The following LMTK2 variants were observed in gnomAD, a reference collection of about 807,000 sequenced individuals.
LMTK2 encodes the protein lemur tail kinase 2.
In LMTK2, 37 loss-of-function variants were observed where a neutral mutation model predicts 127.5. That is an observed-to-expected ratio of 0.29 (90% confidence interval 0.22 to 0.38). The LOEUF (loss-of-function observed/expected upper bound fraction) is 0.38, where lower values mean the gene tolerates loss of function less well. LMTK2 is among the 10% of genes least tolerant of loss of function. The pLI is 1.00. For synonymous variants in LMTK2, 819 were observed against 810.1 expected (o/e 1.01, Z -0.19); for missense variants, 1,694 against 1,920.3 (o/e 0.88, Z 2.20).
Position 98,116,425 on chromosome 7 carries a change from C to T in LMTK2, c.103+9145C>T, listed in dbSNP as rs558777060. On this transcript the variant is annotated intron_variant, in intron 1 of 13. Coordinates refer to ENST00000297293, the MANE Select transcript of LMTK2 (RefSeq NM_014916.4). ...GTGTGTGCATGTGCGTGTGTTTGTG[C>T]GTGTGTGTGTGTGTTTGTGTCCGCG... Among the ~76,000 whole-genome samples the T allele has an allele frequency of 3.4e-3, 496 of 146,802 alleles. 2 individuals carry two copies. The highest frequency in any genetic ancestry group is 5.8e-3 in the Non-Finnish European group (384 of 66,438).
chr7:98,110,348 C>A (rs1216330896), intron 1 of LMTK2, among the ~76,000 whole-genome samples: 1 of 152,136 alleles, frequency 6.6e-6, no homozygotes, highest in African/African-American at 2.4e-5. Flanking sequence ...TTATTTTGGG[C>A]CTCTTCTTTG....
chr7:98,137,760 A>G (rs1008138890), intron 2 of LMTK2, among the ~76,000 whole-genome samples: 2 of 152,226 alleles, frequency 1.3e-5, no homozygotes, highest in East Asian at 1.9e-4. Flanking sequence ...GTCATTGACA[A>G]TAACCACTTG....
intron 1 of LMTK2, among the ~76,000 whole-genome samples, chr7:98,121,269 G>T (rs148930903): frequency 2.0e-5 from 3 of 152,276 alleles, no homozygotes; most frequent in African/African-American, 7.2e-5. Context: ...AAGTACTGGG[G>T]TGAAATGTTA....
intron 1 of LMTK2, among the ~76,000 whole-genome samples, chr7:98,113,302 A>G (rs999817503): frequency 2.6e-5 from 4 of 152,218 alleles, no homozygotes; most frequent in African/African-American, 7.2e-5. Context: ...GACGAAGGAC[A>G]TGTTTGCTTC....
chr7:98,194,099 G>A lies in LMTK2; in HGVS notation c.3634G>A (p.Gly1212Ser), dbSNP rs754279487. Residue 1212 changes from glycine (G) to serine (S), a missense_variant, in exon 11 of 14, where the codon GGC becomes AGC. This residue lies in a region of LMTK2 where 554 missense variants were observed against 567.7 expected (regional missense o/e 0.98). Transcript: ENST00000297293. The surrounding 1 kb of genome is among the most constrained non-coding windows in gnomAD (Gnocchi z 5.4). ...TGTGCTGAATGCAGAACTTAGCAGC[G>A]GCGATGACTTCGAGACACAGGACGA... Reference protein sequence around the residue: ...WSVLNAELSSGDDFETQDDRP... With the variant: ...WSVLNAELSSSDDFETQDDRP... The A allele has an allele frequency of 2.2e-5, 35 of 1,613,958 alleles. No individual in the cohort carries two copies. Among genetic ancestry groups the A allele is most frequent in the African/African-American group, 1.1e-4 (8 of 74,926 alleles).
chr7:98,187,069 T>C, intron 9 of LMTK2, 71 bp downstream of exon 9: 1 of 1,410,046 alleles, frequency 7.1e-7, no homozygotes, highest in South Asian at 1.3e-5. Context: ...TTTGAGTACT[T>C]CCTTAAAGGA....
intron 2 of LMTK2, among the ~76,000 whole-genome samples, chr7:98,137,891 G>A (rs1394954625): frequency 1.3e-5 from 2 of 152,224 alleles, no homozygotes; most frequent in Non-Finnish European, 2.9e-5. Context: ...CGAAACTTCT[G>A]TAGACTGGTG....
At chr7:98,109,199 C>T (rs1398928311) in intron 1 of LMTK2, among the ~76,000 whole-genome samples, 1 of 152,042 alleles carries the variant, frequency 6.6e-6, no homozygotes, top group African/African-American at 2.4e-5. Context: ...CATTCTTTTA[C>T]AATTTTATGG....
intron 7 of LMTK2, among the ~76,000 whole-genome samples, chr7:98,180,771 C>T (rs2116441857): frequency 6.6e-6 from 1 of 152,116 alleles, no homozygotes; most frequent in Non-Finnish European, 1.5e-5. Flanking sequence ...TTATAACAGA[C>T]TATTACTAGA....
intron 1 of LMTK2, among the ~76,000 whole-genome samples, chr7:98,118,948 C>T (rs142036789): frequency 0.065 from 9,909 of 152,106 alleles, 669 homozygotes; most frequent in East Asian, 0.33. Context: ...AAAAATTAGC[C>T]AGGTGTGGTG....
Position 98,192,509 on chromosome 7 carries a change from A to G in LMTK2, c.2044A>G (p.Thr682Ala). ...SLDNPKESVI[T>A]GHFEKEKPRK... Reference sequence around the variant, plus strand: ...GGATAACCCCAAAGAGTCAGTCATAACAGGCCACTTTGAGAAAGAAAAGCC... The same window carrying G: ...GGATAACCCCAAAGAGTCAGTCATAGCAGGCCACTTTGAGAAAGAAAAGCC... Residue 682 changes from threonine (T) to alanine (A), a missense_variant, in exon 11 of 14, where the codon ACA (threonine) becomes GCA (alanine). By Grantham distance (58) the Thr-to-Ala change is moderately conservative. Transcript: ENST00000297293. 1 of 1,611,042 alleles carries G rather than the reference A, an allele frequency of 6.2e-7. No homozygotes were observed. The highest frequency in any genetic ancestry group is 1.1e-5 in the South Asian group (1 of 90,064).
chr7:98,172,355 A>C (rs964968450), intron 7 of LMTK2, among the ~76,000 whole-genome samples: 1 of 139,224 alleles, frequency 7.2e-6, no homozygotes, highest in African/African-American at 2.8e-5. Flanking sequence ...CCCAGGCAGG[A>C]GTGCAGTGGC....
chr7:98,193,403 G>A lies in LMTK2; in HGVS notation c.2938G>A (p.Glu980Lys). Residue 980 changes from glutamate (E) to lysine (K), a missense_variant, in exon 11 of 14, where the codon GAG becomes AAG. By Grantham distance (56) the Glu-to-Lys change is moderately conservative. This residue lies in a region of LMTK2 where 527 missense variants were observed against 539.8 expected (regional missense o/e 0.98). Coordinates refer to ENST00000297293, the MANE Select transcript of LMTK2 (RefSeq NM_014916.4). This position sits in a 1 kb window ranked among gnomAD's most constrained non-coding sequence, Gnocchi z 4.1. ...SDSTSQDSLLEDSLSAPFPAS... is the reference protein window; with the variant it reads ...SDSTSQDSLLKDSLSAPFPAS... ...CTCAACCAGTCAGGACAGCCTCCTG[G>A]AGGACAGCTTGTCAGCACCCTTCCC... is the stretch of plus-strand genomic sequence containing the variant. The A allele has an allele frequency of 6.2e-7, 1 of 1,614,120 alleles. No homozygotes were observed. Among genetic ancestry groups the A allele is most frequent in the Non-Finnish European group, 8.5e-7 (1 of 1,180,018 alleles).
At position 98,194,193 on chromosome 7, in the gene LMTK2, T is replaced by C. The variant is rs777545649; in HGVS notation, c.3728T>C (p.Leu1243Pro). Residue 1243 changes from leucine to proline, a missense_variant, in exon 11 of 14, where the codon CTG (leucine) becomes CCG (proline). By Grantham distance (98) the Leu-to-Pro change is moderately conservative (BLOSUM62 -3). This residue lies in a region of LMTK2 where 554 missense variants were observed against 567.7 expected (regional missense o/e 0.98). Coordinates refer to ENST00000297293, the MANE Select transcript of LMTK2 (RefSeq NM_014916.4). The surrounding 1 kb of genome is among the most constrained non-coding windows in gnomAD (Gnocchi z 5.4). ...NELLAYTNSA[L>P]DKSLSSHSEG... ...CTCCTTGCCTACACCAATTCTGCGC[T>C]GGACAAGTCCCTGTCCAGCCACTCC... 1.9e-6 allele frequency: 3 copies of C among 1,613,920 alleles called. No individual in the cohort carries two copies. The highest frequency in any genetic ancestry group is 2.5e-6 in the Non-Finnish European group (3 of 1,179,990).
Position 98,192,955 on chromosome 7 carries a change from C to G in LMTK2, c.2490C>G (p.Pro830=), listed in dbSNP as rs150357502. 2,520 of 1,613,992 alleles carry G rather than the reference C, an allele frequency of 1.6e-3. 10 individuals carry two copies. The highest frequency in any genetic ancestry group is 2.0e-3 in the Non-Finnish European group (2,344 of 1,180,032). The change falls in exon 11 of 14, where the codon CCC becomes CCG. Residue 830 remains proline (P), a synonymous_variant. Transcript: ENST00000297293. ...FETEETPRRV[P]PDSLPTQGET... is the part of the protein sequence containing the mutation. ...CAGAAGAAACGCCCCGTCGGGTACC[C>G]CCAGACTCACTCCCAACACAGGGAG...
intron 1 of LMTK2, among the ~76,000 whole-genome samples, chr7:98,135,199 C>T (rs1350592271): frequency 6.6e-6 from 1 of 152,208 alleles, no homozygotes; most frequent in Non-Finnish European, 1.5e-5. Flanking sequence ...TTTTTCCTCT[C>T]TTCAAGTACC....
At chr7:98,200,676 A>G (rs1797692520) in intron 11 of LMTK2, among the ~76,000 whole-genome samples, 1 of 152,136 alleles carries the variant, frequency 6.6e-6, no homozygotes, top group Non-Finnish European at 1.5e-5. Flanking sequence ...AGGCTGCCCA[A>G]GTGCTTTATA....
At chr7:98,123,895 A>G (rs1796406171) in intron 1 of LMTK2, among the ~76,000 whole-genome samples, 1 of 151,964 alleles carries the variant, frequency 6.6e-6, no homozygotes, top group East Asian at 1.9e-4. Context: ...TGCTATGTGC[A>G]AGTATTTTTT....
chr7:98,142,643 G>T (rs1307612685), intron 3 of LMTK2, among the ~76,000 whole-genome samples: 2 of 152,118 alleles, frequency 1.3e-5, no homozygotes, highest in Non-Finnish European at 2.9e-5. Context: ...GCCCATAGTC[G>T]ATCCCCGGTG....
Sources: allele counts gnomAD v4.1 joint callset (sites outside exome capture counted in the v4.1 genomes callset), GRCh38; gene constraint gnomAD v4.1.1; regional missense constraint gnomAD v4.1.1; non-coding constraint Gnocchi (gnomAD v3.1); transcripts MANE v1.5; gene names NCBI Gene and HGNC (gene_info 2026-07-23, HGNC 2026-07-21).